The following MAPRE2 variants were observed in gnomAD, a reference collection of about 807,000 sequenced individuals.
MAPRE2 encodes the protein microtubule associated protein RP/EB family member 2, also known as microtubule-associated protein RP/EB family member 2.
In MAPRE2, 13 loss-of-function variants were observed where a neutral mutation model predicts 43.2. The ratio of observed to expected loss-of-function variants is 0.30; its 90% confidence interval spans 0.20 to 0.48. MAPRE2 has a LOEUF of 0.48. Ranked by LOEUF, MAPRE2 falls within the 20% of genes least tolerant of loss-of-function variation. The probability of loss-of-function intolerance (pLI) is 0.99; values close to 1 mark genes in which losing one functional copy is unlikely to be tolerated. For synonymous variants in MAPRE2, 135 were observed against 148.8 expected (o/e 0.91, Z 0.68); for missense variants, 161 against 400.2 (o/e 0.40, Z 5.10).
At chr18:35,116,109 C>T (rs909669853) in intron 4 of MAPRE2, among the ~76,000 whole-genome samples, 15 of 152,170 alleles carry the variant, frequency 9.9e-5, no homozygotes, top group Non-Finnish European at 1.6e-4. Flanking sequence ...CGAGTTCCTT[C>T]AGCATATATA....
intron 4 of MAPRE2, among the ~76,000 whole-genome samples, chr18:35,107,230 G>A (rs979861559): frequency 1.3e-5 from 2 of 152,170 alleles, no homozygotes; most frequent in Non-Finnish European, 2.9e-5. Flanking sequence ...TCAAAAGGAA[G>A]CAACCTAAGT....
chr18:34,981,656 A>G (rs989904350), intron 1 of MAPRE2, among the ~76,000 whole-genome samples: 10 of 152,104 alleles, frequency 6.6e-5, no homozygotes, highest in African/African-American at 2.4e-4. Flanking sequence ...AAATTACACA[A>G]GTGAATCCAA....
At chr18:35,134,716 A>G (rs1328035382) in intron 6 of MAPRE2, among the ~76,000 whole-genome samples, 2 of 152,208 alleles carry the variant, frequency 1.3e-5, no homozygotes, top group East Asian at 3.9e-4. Flanking sequence ...GGTTTTCTCT[A>G]AATAACTCCC....
chr18:35,062,015 A>C (rs1228480514), intron 1 of MAPRE2, among the ~76,000 whole-genome samples: 1 of 152,216 alleles, frequency 6.6e-6, no homozygotes, highest in Non-Finnish European at 1.5e-5. Context: ...AGACACATTT[A>C]CACTGTCCCT....
intron 1 of MAPRE2, among the ~76,000 whole-genome samples, chr18:35,063,314 A>G (rs538247762): frequency 6.5e-4 from 99 of 151,908 alleles, no homozygotes; most frequent in African/African-American, 1.7e-3. Context: ...TCACCGTGTT[A>G]GCCAGGATGG....
At chr18:34,992,224 A>C (rs2097024195) in intron 1 of MAPRE2, among the ~76,000 whole-genome samples, 1 of 152,224 alleles carries the variant, frequency 6.6e-6, no homozygotes, top group South Asian at 2.1e-4. Context: ...AAAATTAGAG[A>C]AATGATAAAG....
chr18:35,060,827 A>G (rs1041523695), intron 1 of MAPRE2, among the ~76,000 whole-genome samples: 5 of 152,228 alleles, frequency 3.3e-5, no homozygotes, highest in African/African-American at 4.8e-5. Flanking sequence ...AATAACAATG[A>G]GGCTGTTAAA....
chr18:35,118,880 C>T (rs1168440751), intron 4 of MAPRE2, among the ~76,000 whole-genome samples: 1 of 152,194 alleles, frequency 6.6e-6, no homozygotes. Context: ...CTCTGCCTGG[C>T]CTGCTCTGCT....
rs116938962 is a variant in MAPRE2 at position 34,998,051 on chromosome 18, C to T, written c.-69-7441C>T. On this transcript the variant is annotated intron_variant, in intron 1 of 7. Transcript: ENST00000413393. ...AATTGGGGTATCGGCTCCACAACTT[C>T]ACTGGGATATTTCCCAGTTGAGTGG... 5.1e-3 allele frequency among the ~76,000 whole-genome samples: 776 copies of T among 152,286 alleles called. 30 individuals carry two copies. The highest frequency in any genetic ancestry group is 0.044 in the Admixed American group (679 of 15,298).
chr18:35,129,929 G>T (rs1383196470), intron 5 of MAPRE2, among the ~76,000 whole-genome samples: 1 of 152,246 alleles, frequency 6.6e-6, no homozygotes, highest in Non-Finnish European at 1.5e-5. Flanking sequence ...CTTGCCAATT[G>T]ATCTTTCATC....
At chr18:35,050,002 A>G (rs1905854840) in intron 1 of MAPRE2, among the ~76,000 whole-genome samples, 1 of 152,236 alleles carries the variant, frequency 6.6e-6, no homozygotes, top group South Asian at 2.1e-4. Flanking sequence ...TGTATTGGTC[A>G]TCACTAGGTT....
chr18:35,001,615 A>G (rs532879678), intron 1 of MAPRE2, among the ~76,000 whole-genome samples: 1 of 152,342 alleles, frequency 6.6e-6, no homozygotes, highest in African/African-American at 2.4e-5. Context: ...TTAAGAAGGT[A>G]CACGAGGGAG....
chr18:35,033,514 C>A (rs1429790987), intron 2 of MAPRE2, among the ~76,000 whole-genome samples: 3 of 151,292 alleles, frequency 2.0e-5, no homozygotes, highest in African/African-American at 7.3e-5. Context: ...CTGGCCAGGG[C>A]AATTAGGCAG....
chr18:35,110,867 T>C (rs1909144925), intron 4 of MAPRE2, among the ~76,000 whole-genome samples: 2 of 152,316 alleles, frequency 1.3e-5, no homozygotes, highest in South Asian at 4.1e-4. Flanking sequence ...CTGAGTGCAG[T>C]CAAAATTTTC....
chr18:35,126,855 G>A, intron 4 of MAPRE2, 93 bp from the exon 5 acceptor site: 1 of 1,090,778 alleles, frequency 9.2e-7, no homozygotes, highest in Middle Eastern at 2.1e-4. Flanking sequence ...CTTATATGTT[G>A]TTGTAAGCTC....
At chr18:35,102,422 C>A (rs1908721249) in intron 4 of MAPRE2, among the ~76,000 whole-genome samples, 1 of 152,134 alleles carries the variant, frequency 6.6e-6, no homozygotes, top group South Asian at 2.1e-4. Flanking sequence ...AATAATGCTC[C>A]CAGGATAGAT....
intron 1 of MAPRE2, among the ~76,000 whole-genome samples, chr18:34,984,040 A>G (rs2097017749): frequency 6.6e-6 from 1 of 152,366 alleles, no homozygotes; most frequent in African/African-American, 2.4e-5. Context: ...TAACACTGCT[A>G]AAGCTGACAT....
rs1362729615 is a variant in MAPRE2 at position 35,140,891 on chromosome 18, C to G, written c.*522C>G. ...ATACTTGATATGAAAGCCATAATGA[C>G]GGTGACTTGTGTCGTGGGGGAAAAC... is the stretch of plus-strand genomic sequence containing the variant. On this transcript the variant is annotated 3_prime_UTR_variant, in exon 7 of 7. Transcript: ENST00000300249. 1.3e-5 allele frequency: 2 copies of G among 153,088 alleles called. No individual in the cohort carries two copies. Among genetic ancestry groups the G allele is most frequent in the South Asian group, 4.1e-4 (2 of 4,858 alleles). The allele number at this position is 153,088 out of a possible 1,614,324, so 9.5% of individuals were successfully genotyped here.
Position 35,101,990 on chromosome 18 carries a change from C to T in MAPRE2, c.441C>T (p.Asn147=). ...EKLVKGRFQD[N]LDFIQWFKKF... ...TAGTGAAAGGACGTTTCCAGGACAA[C>T]CTGGATTTTATTCAATGGTTTAAGA... The change falls in exon 4 of 7, where the codon AAC becomes AAT. Residue 147 remains asparagine (N), a synonymous_variant. Coordinates refer to ENST00000300249, the MANE Select transcript of MAPRE2 (RefSeq NM_014268.4). 6.2e-7 allele frequency: 1 copy of T among 1,612,074 alleles called. No individual in the cohort carries two copies. The highest frequency in any genetic ancestry group is 8.5e-7 in the Non-Finnish European group (1 of 1,179,134).
Sources: gnomAD v4.1 joint callset for allele counts (sites outside exome capture counted in the v4.1 genomes callset) on GRCh38, gnomAD v4.1.1 for gene constraint, MANE v1.5 for transcripts, NCBI Gene and HGNC (gene_info 2026-07-23, HGNC 2026-07-21) for gene names.